PCNT: variants seen among roughly 807,000 people sequenced by gnomAD.
The protein encoded by PCNT is pericentrin.
A neutral mutation model predicts 380.4 loss-of-function variants in PCNT; 319 were observed. The ratio of observed to expected loss-of-function variants is 0.84; its 90% CI spans 0.77 to 0.92. PCNT has a LOEUF of 0.92. PCNT is among the 40% of genes least tolerant of loss of function. The pLI is 0.00. For missense variants in PCNT, 4,400 were observed against 4,255.3 expected (o/e 1.03, Z -0.95); for synonymous variants, 1,845 against 1,735.2 (o/e 1.06, Z -1.57).
chr21:46,402,928 G>A (rs1237472315), intron 27 of PCNT, among the ~76,000 whole-genome samples: 1 of 152,198 alleles, frequency 6.6e-6, no homozygotes, highest in Non-Finnish European at 1.5e-5. Flanking sequence ...TGAGTACATA[G>A]TAGGTGTATA....
rs372282960 is a variant in PCNT, at chr21:46,363,770, G to A, written c.2445G>A (p.Thr815=). 1.5e-5 allele frequency: 24 copies of A among 1,613,782 alleles called. No homozygotes were observed. Among genetic ancestry groups the A allele is most frequent in the African/African-American group, 8.0e-5 (6 of 74,948 alleles). The change falls in exon 14 of 47, where the codon ACG becomes ACA. Residue 815 remains threonine, a synonymous_variant. Transcript: ENST00000359568. ...TCCTGGATCTGGAGAGGTCCTTGAC[G>A]GAGCAGCAGGGCCGCCTGCAGCAGC... The part of the protein sequence containing the change: ...AQILDLERSL[T]EQQGRLQQLE...
rs999897647 is a variant in PCNT at position 46,347,443 on chromosome 21, TG to T, written c.977-13del. On this transcript the variant is annotated splice_polypyrimidine_tract_variant and intron_variant, in intron 5 of 46. Transcript: ENST00000359568. Reference sequence around the variant, plus strand: ...AGATGGAGTGGCCTGAGCTGCTTTTTGTTTTTCTTGCAGCTGAGCTGAAGGA... The same window carrying T: ...AGATGGAGTGGCCTGAGCTGCTTTTTTTTTTCTTGCAGCTGAGCTGAAGGA... The T allele has an allele frequency of 6.2e-7, 1 of 1,614,022 alleles. No homozygotes were observed. Among genetic ancestry groups the T allele is most frequent in the Non-Finnish European group, 8.5e-7 (1 of 1,180,004 alleles).
intron 15 of PCNT, among the ~76,000 whole-genome samples, chr21:46,379,333 G>T (rs1276017104): frequency 1.3e-5 from 2 of 152,128 alleles, no homozygotes; most frequent in Non-Finnish European, 2.9e-5. Context: ...TCTTCCTGGG[G>T]CTACGTGTCT....
chr21:46,394,402 C>T (rs983370285), intron 21 of PCNT: 4 of 371,544 alleles, frequency 1.1e-5, no homozygotes, highest in Non-Finnish European at 1.5e-5. Context: ...GCAGCGTTGC[C>T]CAGAGCCCTG....
At chr21:46,402,258 A>G in intron 26 of PCNT, 73 bp from the exon 27 acceptor site, 2 of 1,025,492 alleles carry the variant, frequency 2.0e-6, no homozygotes, top group Non-Finnish European at 1.4e-6. Flanking sequence ...CTATTTTAAT[A>G]ATGTCTTAAT....
intron 15 of PCNT, among the ~76,000 whole-genome samples, chr21:46,368,271 C>T (rs1048329916): frequency 6.6e-6 from 1 of 152,120 alleles, no homozygotes; most frequent in Non-Finnish European, 1.5e-5. Context: ...CGGTGAAACC[C>T]CGTCTCTACT....
At chr21:46,346,356 C>A in intron 4 of PCNT, 148 bp downstream of exon 4, 2 of 735,570 alleles carry the variant, frequency 2.7e-6, no homozygotes, top group South Asian at 1.7e-5. Context: ...GGGCCATCAG[C>A]AGGGCCGGTG....
At chr21:46,360,582 G>A (rs1241080294) in intron 13 of PCNT, among the ~76,000 whole-genome samples, 2 of 138,220 alleles carry the variant, frequency 1.4e-5, no homozygotes, top group African/African-American at 5.5e-5. Context: ...GCAGTGGTGC[G>A]ATATCCGCCC....
intron 13 of PCNT, among the ~76,000 whole-genome samples, chr21:46,361,096 A>T (rs745770334): frequency 6.6e-6 from 1 of 152,226 alleles, no homozygotes; most frequent in African/African-American, 2.4e-5. Context: ...CAGGGATTAA[A>T]ATACACATTC....
intron 15 of PCNT, among the ~76,000 whole-genome samples, chr21:46,371,619 G>A (rs117923281): frequency 0.013 from 2,031 of 152,318 alleles, 19 homozygotes; most frequent in South Asian, 0.029. Flanking sequence ...CAAGGTGGCC[G>A]TGAAGGGGCC....
chr21:46,412,776 G>A, intron 28 of PCNT, 61 bp from the exon 29 acceptor site: 2 of 1,586,244 alleles, frequency 1.3e-6, no homozygotes, highest in South Asian at 2.2e-5. Context: ...CAGGCCACCT[G>A]AGGGGCAGCC....
At chr21:46,430,806 GCA>G in intron 37 of PCNT, 149 bp downstream of exon 37, 1 of 1,512,128 alleles carries the variant, frequency 6.6e-7, no homozygotes, top group Non-Finnish European at 8.8e-7. Context: ...GGCTGTGTTT[GCA>G]GGTAAAATTG....
rs531483832 is a variant in PCNT, at chr21:46,360,963, A to G, written c.2155-2517A>G. On this transcript the variant is annotated intron_variant, in intron 13 of 46. Coordinates refer to ENST00000359568, the MANE Select transcript of PCNT (RefSeq NM_006031.6). ...TTTCTGTGAGATGCGTCTGGTGGTCATGGTTCTGCTTTTTCTTTTTTCTTG... is the reference window on the plus strand; with the variant it reads ...TTTCTGTGAGATGCGTCTGGTGGTCGTGGTTCTGCTTTTTCTTTTTTCTTG... 7.2e-5 allele frequency among the ~76,000 whole-genome samples: 11 copies of G among 152,272 alleles called. No individual in the cohort carries two copies. The South Asian group carries it at 2.3e-3, about 32-fold the overall frequency.
intron 15 of PCNT, among the ~76,000 whole-genome samples, chr21:46,377,684 C>A (rs563237301): frequency 2.0e-5 from 3 of 151,948 alleles, no homozygotes; most frequent in African/African-American, 4.8e-5. Flanking sequence ...TAAAAAAATA[C>A]TAAAAATAAA....
rs1292668105 is a variant in PCNT at position 46,425,881 on chromosome 21, A to G, written c.7230A>G (p.Ser2410=). Residue 2410 remains serine (S), a synonymous_variant, in exon 33 of 47, where the codon TCA becomes TCG. Coordinates refer to ENST00000359568, the MANE Select transcript of PCNT (RefSeq NM_006031.6). This position sits in a 1 kb window ranked among gnomAD's most constrained non-coding sequence, Gnocchi z 4.2. ...RDESHQILAL[S]EGLAPPSGEP... ...AGAGCCACCAGATCCTGGCGCTGTC[A>G]GAAGGCCTTGCACCCCCAAGCGGCG... 4 of 1,613,788 alleles carry G rather than the reference A, an allele frequency of 2.5e-6. No homozygotes were observed. Among genetic ancestry groups the G allele is most frequent in the Non-Finnish European group, 3.4e-6 (4 of 1,180,020 alleles).
In PCNT at chr21:46,385,892, G is replaced by T; in HGVS notation, c.3373G>T (p.Val1125Leu). 6.2e-7 allele frequency: 1 copy of T among 1,614,234 alleles called. No individual in the cohort carries two copies. The highest frequency in any genetic ancestry group is 8.5e-7 in the Non-Finnish European group (1 of 1,180,032). Residue 1125 changes from valine (V) to leucine (L), a missense_variant, in exon 17 of 47, where the codon GTG becomes TTG. By Grantham distance (32) the Val-to-Leu change is conservative. Coordinates refer to ENST00000359568, the MANE Select transcript of PCNT (RefSeq NM_006031.6). ...AGAAGAGTGCCGCTCCGAGTTGGAG[G>T]TGCTGCAGCAGAGGCGGGAGCGGGA... ...EIEECRSELE[V>L]LQQRRERENR...
chr21:46,428,634 C>G lies in PCNT; in HGVS notation c.7690+44C>G, dbSNP rs776732530. 2.0e-6 allele frequency: 3 copies of G among 1,497,984 alleles called. No homozygotes were observed. The Admixed American group carries it at 5.8e-5, about 29-fold the overall frequency. 92.8% of individuals were successfully genotyped at this position (1,497,984 alleles called of 1,614,324 possible). A position where few individuals can be genotyped will look rare whatever the true frequency, so the allele number is the denominator to read the frequency against. ...ACTGCCTGGGGCCCGGCCTCTGCAC[C>G]TGCCCGCCCGACACTCACCTGTGTG... On this transcript the variant is annotated intron_variant, in intron 35 of 46. Coordinates refer to ENST00000359568, the MANE Select transcript of PCNT (RefSeq NM_006031.6).
chr21:46,381,109 A>G (rs1238426585), intron 15 of PCNT, among the ~76,000 whole-genome samples: 2 of 151,198 alleles, frequency 1.3e-5, no homozygotes, highest in African/African-American at 2.4e-5. Context: ...CCTGGGAGAC[A>G]GAGGTTGTAG....
At chr21:46,337,787 G>A (rs185607682) in intron 3 of PCNT, among the ~76,000 whole-genome samples, 338 of 151,950 alleles carry the variant, frequency 2.2e-3, no homozygotes, top group Admixed American at 3.4e-3. Flanking sequence ...TCACCATGTT[G>A]GTCAGGCTGA....
Sources: allele counts gnomAD v4.1 joint callset (sites outside exome capture counted in the v4.1 genomes callset), GRCh38; gene constraint gnomAD v4.1.1; non-coding constraint Gnocchi (gnomAD v3.1); transcripts MANE v1.5; gene names NCBI Gene and HGNC (gene_info 2026-07-23, HGNC 2026-07-21).